The following BMF variants were observed in gnomAD, a reference collection of about 807,000 sequenced individuals.
BMF encodes Bcl2 modifying factor.
Under a neutral mutation model 22.0 loss-of-function variants are expected in BMF, and 10 were observed. The observed-to-expected ratio is 0.45, with a 90% CI of 0.28 to 0.77. The LOEUF is 0.77. Among genes scored for constraint, BMF ranks in the 30% least tolerant of loss-of-function variants. The pLI, the probability that BMF is intolerant of heterozygous loss-of-function variation, is 0.13. For synonymous variants in BMF, 87 were observed against 88.1 expected (o/e 0.99, Z 0.07); for missense variants, 206 against 226.8 (o/e 0.91, Z 0.59).
intron 4 of BMF, among the ~76,000 whole-genome samples, chr15:40,097,832 G>T (rs1397288999): frequency 6.6e-6 from 1 of 152,212 alleles, no homozygotes; most frequent in Non-Finnish European, 1.5e-5. Flanking sequence ...GGGCCGGCCT[G>T]GGGAGCACCA....
rs896701900 is a variant in BMF at position 40,089,489 on chromosome 15, G to A, written c.*2298C>T. On this transcript the variant is annotated 3_prime_UTR_variant, in exon 5 of 5. Transcript: ENST00000354670. ...CTTTGCATAAGATGGAGACAGTGCA[G>A]TCAGACCACCTTCCACCTGCCCCAG... 1 of 152,240 alleles carries A rather than the reference G, an allele frequency of 6.6e-6. No individual in the cohort carries two copies. The highest frequency in any genetic ancestry group is 2.4e-5 in the African/African-American group (1 of 41,450). 9.4% of individuals were successfully genotyped at this position (152,240 alleles called of 1,614,324 possible). A position where few individuals can be genotyped will look rare whatever the true frequency, so the allele number is the denominator to read the frequency against.
intron 4 of BMF, among the ~76,000 whole-genome samples, chr15:40,099,600 G>C (rs1232817769): frequency 6.6e-6 from 1 of 152,046 alleles, no homozygotes; most frequent in Non-Finnish European, 1.5e-5. Context: ...CCGACATGGA[G>C]AAACCCCGTC....
chr15:40,092,744 T>C (rs2036266939), intron 4 of BMF, among the ~76,000 whole-genome samples: 1 of 152,136 alleles, frequency 6.6e-6, no homozygotes, highest in Admixed American at 6.5e-5. Context: ...AGATTGGGGC[T>C]GGTGCCCTGC....
At chr15:40,100,025 T>C (rs542317334) in intron 4 of BMF, among the ~76,000 whole-genome samples, 1 of 152,352 alleles carries the variant, frequency 6.6e-6, no homozygotes, top group African/African-American at 2.4e-5. Flanking sequence ...GAGCCACTCC[T>C]GGTCCAAGTG....
At chr15:40,107,306 A>T (rs1000580816) in intron 2 of BMF, among the ~76,000 whole-genome samples, 1 of 152,186 alleles carries the variant, frequency 6.6e-6, no homozygotes, top group African/African-American at 2.4e-5. Context: ...AACAAGCCAA[A>T]TGGTCTATGG....
At position 40,106,329 on chromosome 15, in the gene BMF, C is replaced by T. The variant is rs146142242; in HGVS notation, c.-5-238G>A. The T allele has an allele frequency of 4.4e-3, 1,884 of 426,270 alleles. 9 individuals are homozygous for T. The highest frequency in any genetic ancestry group is 6.3e-3 in the Non-Finnish European group (1,537 of 242,658). 26.4% of individuals were successfully genotyped at this position (426,270 alleles called of 1,614,324 possible). A position where few individuals can be genotyped will look rare whatever the true frequency, so the allele number is the denominator to read the frequency against. The stretch of plus-strand genomic sequence containing the variant: ...CCTCTTCCCTGGGCCCGCCTGGAAC[C>T]ACCCTTTTTCTTGATCACGTTTTCT... On this transcript the variant is annotated intron_variant, in intron 2 of 4. Coordinates refer to ENST00000354670, the MANE Select transcript of BMF (RefSeq NM_001003940.2). The surrounding 1 kb of genome is among the most constrained non-coding windows in gnomAD (Gnocchi z 4.1).
intron 4 of BMF, among the ~76,000 whole-genome samples, chr15:40,095,191 G>C (rs2036331124): frequency 6.6e-6 from 1 of 152,190 alleles, no homozygotes; most frequent in African/African-American, 2.4e-5. Context: ...CCCGCCTCAG[G>C]GCAGCCCTCA....
chr15:40,104,338 T>C lies in BMF; in HGVS notation c.295A>G (p.Asn99Asp). 2 of 1,614,124 alleles carry C rather than the reference T, an allele frequency of 1.2e-6. No individual in the cohort carries two copies. Among genetic ancestry groups the C allele is most frequent in the Non-Finnish European group, 1.7e-6 (2 of 1,179,990 alleles). The change falls in exon 4 of 5, where the codon AAT becomes GAT. Residue 99 changes from asparagine to aspartate, a missense_variant and splice_region_variant. By Grantham distance (23) the Asn-to-Asp change is conservative. Transcript: ENST00000354670. Reference protein sequence around the residue: ...TEEPQRLFYGNAGYRLPLPAS... With the variant: ...TEEPQRLFYGDAGYRLPLPAS... ...GGGAGAGGAAGCCGATAGCCAGCATTGCCTGCAAAGATAGAGGATCCACAT... is the reference window on the plus strand; with the variant it reads ...GGGAGAGGAAGCCGATAGCCAGCATCGCCTGCAAAGATAGAGGATCCACAT...
intron 3 of BMF, 58 bp from the exon 4 acceptor site, chr15:40,104,398 C>G (rs1188394667): frequency 6.3e-7 from 1 of 1,592,126 alleles, no homozygotes; most frequent in East Asian, 2.2e-5. Context: ...AACCTCCCTA[C>G]GCCTGCCTGA....
At chr15:40,105,636 G>A (rs1244580010) in intron 3 of BMF, among the ~76,000 whole-genome samples, 159 bp downstream of exon 3, 2 of 152,212 alleles carry the variant, frequency 1.3e-5, no homozygotes, top group African/African-American at 4.8e-5. Flanking sequence ...CAGGTGAGGA[G>A]CAATAACAAG....
rs2036576889 is a variant in BMF, at chr15:40,105,837, G to A, written c.250C>T (p.Leu84=). 2 of 1,613,674 alleles carry A rather than the reference G, an allele frequency of 1.2e-6. No homozygotes were observed. Among genetic ancestry groups the A allele is most frequent in the Admixed American group, 1.7e-5 (1 of 59,982 alleles). ...GGTTCCTCAGTCACCCCACAAGGCA[G>A]CATGACACCTTGGCTGGGGGAGGCT... is the stretch of plus-strand genomic sequence containing the variant. ...SPASPSQGVM[L]PCGVTEEPQR... Residue 84 remains leucine, a synonymous_variant, in exon 3 of 5, where the codon CTG becomes TTG. Transcript: ENST00000354670.
intron 3 of BMF, among the ~76,000 whole-genome samples, chr15:40,104,970 C>G (rs1033477644): frequency 6.6e-6 from 1 of 152,196 alleles, no homozygotes. Context: ...CCGCTAGGGG[C>G]GCCAGTCCGC....
rs1235648217 is a variant in BMF at position 40,106,751 on chromosome 15, G to C, written c.-5-660C>G. 6.6e-6 allele frequency: 1 copy of C among 152,364 alleles called. No individual in the cohort carries two copies. The highest frequency in any genetic ancestry group is 1.5e-5 in the Non-Finnish European group (1 of 68,164). 9.4% of individuals were successfully genotyped at this position (152,364 alleles called of 1,614,324 possible). A position where few individuals can be genotyped will look rare whatever the true frequency, so the allele number is the denominator to read the frequency against. On this transcript the variant is annotated intron_variant, in intron 2 of 4. Transcript: ENST00000354670. This position sits in a 1 kb window ranked among gnomAD's most constrained non-coding sequence, Gnocchi z 4.1. ...ACAGGCTCTGCAGTGTGGTAAGAAT[G>C]TGTCCTGGGAGAGGGGATAAAGACC...
rs1336019551 is a variant in BMF, at chr15:40,105,828, CA to C, written c.258del (p.Cys86TrpfsTer3). ...AGTCGCTGGGGTTCCTCAGTCACCC[CA>C]CAAGGCAGCATGACACCTTGGCTGG... is the stretch of plus-strand genomic sequence containing the variant. ...ASPSQGVMLP[C>X]GVTEEPQRLF... On this transcript the variant is annotated frameshift_variant, in exon 3 of 5. Transcript: ENST00000354670. LOFTEE classifies it high-confidence loss of function. 1 of 1,613,190 alleles carries C rather than the reference CA, an allele frequency of 6.2e-7. No homozygotes were observed. The highest frequency in any genetic ancestry group is 8.5e-7 in the Non-Finnish European group (1 of 1,179,652).
In BMF at chr15:40,100,771, G is replaced by A. The variant is rs187235936; in HGVS notation, c.453+3409C>T. On this transcript the variant is annotated intron_variant, in intron 4 of 4. Transcript: ENST00000354670. ...TTGGAACCTGTTGCATCTGGAGCCAGGTCGATACACTCAATTGGGATTTCA... is the reference window on the plus strand; with the variant it reads ...TTGGAACCTGTTGCATCTGGAGCCAAGTCGATACACTCAATTGGGATTTCA... Among the ~76,000 whole-genome samples, 59 of 152,298 alleles carry A rather than the reference G, an allele frequency of 3.9e-4. 1 individual carries two copies. The South Asian group carries it at 0.012, about 31-fold the overall frequency.
rs1465907415 is a variant in BMF at position 40,090,710 on chromosome 15, GCTT to G, written c.*1074_*1076del. On this transcript the variant is annotated 3_prime_UTR_variant, in exon 5 of 5. Transcript: ENST00000354670. ...CTTAGCTGGCAAAGCCACTGTCCTG[GCTT>G]CTTCTGTATCCCACTAGGTATGAAA... 6.6e-6 allele frequency: 1 copy of G among 152,252 alleles called. No individual in the cohort carries two copies. The highest frequency in any genetic ancestry group is 1.5e-5 in the Non-Finnish European group (1 of 68,060). The allele number at this position is 152,252 out of a possible 1,614,324, so 9.4% of individuals were successfully genotyped here.
intron 4 of BMF, 37 bp from the exon 5 acceptor site, chr15:40,091,925 C>T: frequency 6.8e-7 from 1 of 1,461,332 alleles, no homozygotes; most frequent in African/African-American, 1.4e-5. Flanking sequence ...AACATAACTC[C>T]CAAACGCAAT....
intron 4 of BMF, among the ~76,000 whole-genome samples, chr15:40,092,497 T>A (rs2036260589): frequency 6.6e-6 from 1 of 152,014 alleles, no homozygotes; most frequent in Non-Finnish European, 1.5e-5. Context: ...CCGCCCGCTC[T>A]CCCTCCCCAG....
At position 40,100,909 on chromosome 15, in the gene BMF, C is replaced by T. The variant is rs544128284; in HGVS notation, c.453+3271G>A. On this transcript the variant is annotated intron_variant, in intron 4 of 4. Transcript: ENST00000354670. ...ACCAGGGACAAAAAGGGGGAGTGCA[C>T]ACTCTCCACAGGACTATGGACCAGT... Among the ~76,000 whole-genome samples the T allele has an allele frequency of 7.6e-4, 116 of 152,268 alleles. 1 individual carries two copies. The highest frequency in any genetic ancestry group is 2.5e-3 in the African/African-American group (103 of 41,520).
Sources: gnomAD v4.1 joint callset for allele counts (sites outside exome capture counted in the v4.1 genomes callset) on GRCh38, gnomAD v4.1.1 for gene constraint, Gnocchi (gnomAD v3.1) non-coding constraint, MANE v1.5 for transcripts, NCBI Gene and HGNC (gene_info 2026-07-23, HGNC 2026-07-21) for gene names.